The following PDE4B variants were observed in gnomAD, a reference collection of about 807,000 sequenced individuals.
PDE4B encodes the protein phosphodiesterase 4B.
Under a neutral mutation model 82.2 loss-of-function variants are expected in PDE4B, and 20 were observed. The observed-to-expected ratio is 0.24, with a 90% confidence interval of 0.17 to 0.35. PDE4B has a LOEUF of 0.35. Ranked by LOEUF, PDE4B falls within the 10% of genes least tolerant of loss-of-function variation. The probability of loss-of-function intolerance (pLI) is 1.00; values close to 1 mark genes in which losing one functional copy is unlikely to be tolerated. For synonymous variants in PDE4B, 320 were observed against 318.9 expected (o/e 1.00, Z -0.04); for missense variants, 655 against 907.2 (o/e 0.72, Z 3.57).
At chr1:66,265,611 G>T (rs1320469942) in intron 6 of PDE4B, among the ~76,000 whole-genome samples, 1 of 152,068 alleles carries the variant, frequency 6.6e-6, no homozygotes, top group African/African-American at 2.4e-5. Flanking sequence ...CAAAAATTAG[G>T]GGCCTGAAGT....
chr1:65,929,901 C>T (rs974424560), intron 3 of PDE4B, among the ~76,000 whole-genome samples: 1 of 152,098 alleles, frequency 6.6e-6, no homozygotes, highest in African/African-American at 2.4e-5. Context: ...TATTAAGCAG[C>T]CAACTCCAGA....
intron 1 of PDE4B, among the ~76,000 whole-genome samples, chr1:65,829,580 A>G (rs1042717250): frequency 6.6e-6 from 1 of 152,204 alleles, no homozygotes; most frequent in Non-Finnish European, 1.5e-5. Context: ...ATTTAACAGA[A>G]TAGAAGTTAT....
chr1:65,883,900 A>G (rs1029700011), intron 1 of PDE4B, among the ~76,000 whole-genome samples: 20 of 152,178 alleles, frequency 1.3e-4, no homozygotes, highest in African/African-American at 3.9e-4. Flanking sequence ...CCTTTTCTGC[A>G]TCTATTGAGA....
At chr1:66,207,953 A>G in intron 3 of PDE4B, among the ~76,000 whole-genome samples, 1 of 152,174 alleles carries the variant, frequency 6.6e-6, no homozygotes. Context: ...TTAATAGTGT[A>G]GCTTCCCAGG....
intron 7 of PDE4B, among the ~76,000 whole-genome samples, chr1:66,314,060 G>A (rs905313029): frequency 6.6e-5 from 10 of 152,170 alleles, no homozygotes; most frequent in African/African-American, 2.4e-4. Flanking sequence ...CCTTTGTGAT[G>A]ATTTTGGAAA....
chr1:65,910,491 A>C (rs1647077155), intron 1 of PDE4B, among the ~76,000 whole-genome samples: 1 of 152,200 alleles, frequency 6.6e-6, no homozygotes, highest in African/African-American at 2.4e-5. Context: ...TTTGGAAGCA[A>C]GTCTGTATTA....
intron 1 of PDE4B, among the ~76,000 whole-genome samples, chr1:65,833,630 T>C (rs1646107158): frequency 6.6e-6 from 1 of 152,220 alleles, no homozygotes; most frequent in South Asian, 2.1e-4. Flanking sequence ...ATCAGAGGTT[T>C]TGATTCTTAG....
At chr1:66,332,252 G>C in intron 7 of PDE4B, 1 of 1,461,496 alleles carries the variant, frequency 6.8e-7, no homozygotes, top group Non-Finnish European at 9.0e-7. Context: ...CTCAGAGGAA[G>C]TTTCTTGGTA....
At chr1:66,220,874 T>C (rs1650931053) in intron 3 of PDE4B, among the ~76,000 whole-genome samples, 1 of 152,180 alleles carries the variant, frequency 6.6e-6, no homozygotes, top group African/African-American at 2.4e-5. Flanking sequence ...TATCTTCATT[T>C]ATTTGTCCAA....
intron 3 of PDE4B, among the ~76,000 whole-genome samples, chr1:66,246,484 G>A (rs1235031302): frequency 1.3e-5 from 2 of 152,172 alleles, no homozygotes; most frequent in Admixed American, 6.5e-5. Flanking sequence ...CTTTAGCTGG[G>A]GAGCAGTGAG....
At chr1:66,222,706 C>T (rs1201218816) in intron 3 of PDE4B, among the ~76,000 whole-genome samples, 1 of 152,168 alleles carries the variant, frequency 6.6e-6, no homozygotes, top group African/African-American at 2.4e-5. Context: ...TATTATAAAA[C>T]CTATCTTGTG....
chr1:65,966,442 G>C (rs1462463426), intron 3 of PDE4B, among the ~76,000 whole-genome samples: 1 of 152,246 alleles, frequency 6.6e-6, no homozygotes, highest in African/African-American at 2.4e-5. Flanking sequence ...ATGGATAGAA[G>C]AATCAATATC....
At chr1:66,271,530 A>T (rs929427320) in intron 7 of PDE4B, among the ~76,000 whole-genome samples, 3 of 152,222 alleles carry the variant, frequency 2.0e-5, no homozygotes, top group Admixed American at 2.0e-4. Context: ...GTTTTTTACA[A>T]AGACAACCAT....
At chr1:65,992,945 T>C (rs761362188) in intron 3 of PDE4B, 2 of 1,613,920 alleles carry the variant, frequency 1.2e-6, no homozygotes, top group Non-Finnish European at 1.7e-6. Context: ...TTACTGCTTC[T>C]GAACCTGAGG....
chr1:66,201,131 T>G (rs1648894905), intron 3 of PDE4B, among the ~76,000 whole-genome samples: 1 of 152,238 alleles, frequency 6.6e-6, no homozygotes, highest in Non-Finnish European at 1.5e-5. Context: ...TGGTTCTGTT[T>G]ATATGCTGGA....
intron 3 of PDE4B, among the ~76,000 whole-genome samples, chr1:66,193,280 C>G (rs1185195118): frequency 6.6e-6 from 1 of 152,162 alleles, no homozygotes; most frequent in African/African-American, 2.4e-5. Flanking sequence ...TTTTATGAAG[C>G]AGTCACTGTT....
Position 66,247,475 on chromosome 1 carries a change from T to A in PDE4B, c.297T>A (p.Asn99Lys), listed in dbSNP as rs745552525. Reference protein sequence around the residue: ...TVSQECFDVENGPSPGRSPLD... With the variant: ...TVSQECFDVEKGPSPGRSPLD... Reference sequence around the variant, plus strand: ...TCTCTTTAAGCTTTGATGTGGAAAATGGCCCTTCCCCAGGTCGGAGTCCAC... The same window carrying A: ...TCTCTTTAAGCTTTGATGTGGAAAAAGGCCCTTCCCCAGGTCGGAGTCCAC... The change falls in exon 4 of 17, where the codon AAT becomes AAA. Residue 99 changes from asparagine (N) to lysine (K), a missense_variant. Asn to Lys is a moderately conservative substitution (Grantham distance 94, BLOSUM62 0). Transcript: ENST00000341517. The A allele has an allele frequency of 1.1e-5, 18 of 1,575,398 alleles. No individual in the cohort carries two copies. Among genetic ancestry groups the A allele is most frequent in the Non-Finnish European group, 1.5e-5 (18 of 1,163,222 alleles).
intron 3 of PDE4B, among the ~76,000 whole-genome samples, chr1:66,097,859 T>TG (rs1250600903): frequency 1.2e-4 from 15 of 120,050 alleles, no homozygotes; most frequent in African/African-American, 4.0e-4. Context: ...TGTTTGCTGC[T>TG]GGGTTTTTTT....
At chr1:66,273,996 C>G (rs186845584) in intron 7 of PDE4B, among the ~76,000 whole-genome samples, 2 of 152,358 alleles carry the variant, frequency 1.3e-5, no homozygotes, top group East Asian at 3.9e-4. Context: ...AGAAAAACAA[C>G]TAAATGAATT....
Sources: gnomAD v4.1 joint callset for allele counts (sites outside exome capture counted in the v4.1 genomes callset) on GRCh38, gnomAD v4.1.1 for gene constraint, MANE v1.5 for transcripts, NCBI Gene and HGNC (gene_info 2026-07-23, HGNC 2026-07-21) for gene names.